GRIK4: variants seen among roughly 807,000 people sequenced by gnomAD.
GRIK4 encodes the protein glutamate ionotropic receptor kainate type subunit 4.
In GRIK4, 40 loss-of-function variants were observed where a neutral mutation model predicts 104.9. That is an observed-to-expected ratio of 0.38 (90% CI 0.30 to 0.50). GRIK4 has a LOEUF of 0.50. Among genes scored for constraint, GRIK4 ranks in the 20% least tolerant of loss-of-function variants. The probability of loss-of-function intolerance (pLI) is 0.93; values close to 1 mark genes in which losing one functional copy is unlikely to be tolerated. For synonymous variants in GRIK4, 485 were observed against 524.9 expected, an observed-to-expected ratio of 0.92 and a Z score of 1.04; for missense variants, 1,047 against 1,308.1, an observed-to-expected ratio of 0.80 and a Z score of 3.08.
chr11:120,841,209 T>C (rs1181432355), intron 8 of GRIK4, among the ~76,000 whole-genome samples: 1 of 152,164 alleles, frequency 6.6e-6, no homozygotes, highest in Non-Finnish European at 1.5e-5. Flanking sequence ...ACCATCCACC[T>C]CCAGAACATT....
chr11:120,691,636 G>A (rs1184368139), intron 3 of GRIK4, among the ~76,000 whole-genome samples: 1 of 152,212 alleles, frequency 6.6e-6, no homozygotes, highest in Non-Finnish European at 1.5e-5. Context: ...CAATGTAAGA[G>A]TAGCATTTAG....
At chr11:120,559,513 A>G (rs897646536) in intron 1 of GRIK4, among the ~76,000 whole-genome samples, 1 of 152,220 alleles carries the variant, frequency 6.6e-6, no homozygotes, top group Admixed American at 6.5e-5. Flanking sequence ...CAAAACATTA[A>G]CAAAAATTAT....
At chr11:120,595,576 C>T (rs1686625284) in intron 1 of GRIK4, among the ~76,000 whole-genome samples, 1 of 152,160 alleles carries the variant, frequency 6.6e-6, no homozygotes, top group African/African-American at 2.4e-5. Flanking sequence ...TGCTTGATGA[C>T]CTCTCACAGT....
intron 13 of GRIK4, among the ~76,000 whole-genome samples, chr11:120,933,932 C>A (rs992245728): frequency 1.3e-5 from 2 of 152,042 alleles, no homozygotes; most frequent in African/African-American, 4.8e-5. Flanking sequence ...TAGCCAGGCG[C>A]GGTGGCTCAC....
rs140976395 is a variant in GRIK4 at position 120,792,384 on chromosome 11, A to G, written c.83-10309A>G. Among the ~76,000 whole-genome samples the G allele has an allele frequency of 3.4e-3, 512 of 151,648 alleles. 11 individuals are homozygous for G. Among genetic ancestry groups the G allele is most frequent in the Admixed American group, 0.031 (469 of 15,196 alleles). ...CTTGTGTGCCGTGCTGAGGAATTCC[A>G]TTTATTTTGAGGATGGAAGCTTTTA... On this transcript the variant is annotated intron_variant, in intron 3 of 20. Coordinates refer to ENST00000527524, the MANE Select transcript of GRIK4 (RefSeq NM_014619.5).
intron 6 of GRIK4, among the ~76,000 whole-genome samples, chr11:120,827,002 T>C (rs1029943624): frequency 1.3e-5 from 2 of 152,098 alleles, no homozygotes; most frequent in African/African-American, 2.4e-5. Flanking sequence ...ATGTGCCATA[T>C]TGAATTCATA....
intron 12 of GRIK4, among the ~76,000 whole-genome samples, chr11:120,899,021 C>T (rs1942661507): frequency 6.6e-6 from 1 of 152,190 alleles, no homozygotes. Context: ...GTGTACAAAA[C>T]AGGACCCTCC....
At chr11:120,947,236 T>C (rs1325763188) in intron 14 of GRIK4, among the ~76,000 whole-genome samples, 1 of 152,100 alleles carries the variant, frequency 6.6e-6, no homozygotes, top group Non-Finnish European at 1.5e-5. Flanking sequence ...ACGCCATCTC[T>C]ACTAAAAATA....
intron 1 of GRIK4, among the ~76,000 whole-genome samples, chr11:120,599,045 A>G (rs977611427): frequency 1.3e-5 from 2 of 152,158 alleles, no homozygotes; most frequent in South Asian, 4.1e-4. Flanking sequence ...GGTAACACCC[A>G]CTCTTCAAAG....
At chr11:120,547,181 T>C (rs1185964340) in intron 1 of GRIK4, among the ~76,000 whole-genome samples, 1 of 152,194 alleles carries the variant, frequency 6.6e-6, no homozygotes, top group African/African-American at 2.4e-5. Flanking sequence ...TGGCCATTCC[T>C]TCCACAGTGC....
At chr11:120,899,523 C>T (rs1406939790) in intron 12 of GRIK4, among the ~76,000 whole-genome samples, 1 of 151,958 alleles carries the variant, frequency 6.6e-6, no homozygotes, top group Non-Finnish European at 1.5e-5. Flanking sequence ...CCTTCCCTGT[C>T]CCCCTGCCAT....
At chr11:120,752,886 T>A (rs1951581615) in intron 3 of GRIK4, among the ~76,000 whole-genome samples, 1 of 152,214 alleles carries the variant, frequency 6.6e-6, no homozygotes. Flanking sequence ...CATAGTCAAG[T>A]CAGAGGAGGC....
intron 14 of GRIK4, among the ~76,000 whole-genome samples, chr11:120,944,176 G>A (rs536206885): frequency 2.0e-4 from 17 of 82,948 alleles, no homozygotes; most frequent in Middle Eastern, 7.2e-3. Context: ...CCTCCCCCCC[G>A]TCCCACCCTC....
chr11:120,558,580 T>C (rs771455763), intron 1 of GRIK4, among the ~76,000 whole-genome samples: 2 of 152,176 alleles, frequency 1.3e-5, no homozygotes, highest in Non-Finnish European at 2.9e-5. Flanking sequence ...AGAGCGAGAC[T>C]CCGTCTCAAA....
intron 1 of GRIK4, among the ~76,000 whole-genome samples, chr11:120,577,404 G>T (rs1046200097): frequency 6.6e-6 from 1 of 151,990 alleles, no homozygotes; most frequent in Non-Finnish European, 1.5e-5. Context: ...GGCTTCTTCT[G>T]GTTCTGAAGG....
At chr11:120,743,827 A>C (rs1310594178) in intron 3 of GRIK4, among the ~76,000 whole-genome samples, 1 of 152,240 alleles carries the variant, frequency 6.6e-6, no homozygotes, top group East Asian at 1.9e-4. Flanking sequence ...CAATTGTCTT[A>C]TTTATAAAAT....
intron 7 of GRIK4, among the ~76,000 whole-genome samples, chr11:120,836,384 C>A (rs1008290055): frequency 6.6e-6 from 1 of 152,218 alleles, no homozygotes; most frequent in Admixed American, 6.5e-5. Context: ...CTGACACATA[C>A]TAAACAGTGG....
At chr11:120,591,878 C>T (rs568975684) in intron 1 of GRIK4, among the ~76,000 whole-genome samples, 5 of 152,314 alleles carry the variant, frequency 3.3e-5, no homozygotes, top group South Asian at 4.2e-4. Flanking sequence ...GTATTTGCAT[C>T]GGCACAGGGA....
At chr11:120,843,853 C>T (rs1271070478) in intron 8 of GRIK4, among the ~76,000 whole-genome samples, 1 of 152,084 alleles carries the variant, frequency 6.6e-6, no homozygotes, top group Non-Finnish European at 1.5e-5. Context: ...GGGAGAATGC[C>T]CCATCAGGTT....
Sources: allele counts gnomAD v4.1 joint callset (sites outside exome capture counted in the v4.1 genomes callset), GRCh38; gene constraint gnomAD v4.1.1; transcripts MANE v1.5; gene names NCBI Gene and HGNC (gene_info 2026-07-23, HGNC 2026-07-21).